Variants in DNAAF9 observed in about 807,000 individuals in gnomAD.
DNAAF9 encodes dynein axonemal assembly factor 9.
A neutral mutation model predicts 167.0 loss-of-function variants in DNAAF9; 90 were observed. The ratio of observed to expected loss-of-function variants is 0.54; its 90% confidence interval spans 0.45 to 0.64. DNAAF9 has a LOEUF of 0.64. Among genes scored for constraint, DNAAF9 ranks in the 30% least tolerant of loss-of-function variants. The pLI is 0.00. For synonymous variants in DNAAF9, 491 were observed against 508.8 expected (o/e 0.96, Z 0.47); for missense variants, 1,315 against 1,442.2 (o/e 0.91, Z 1.43).
intron 30 of DNAAF9, among the ~76,000 whole-genome samples, chr20:3,265,631 T>A (rs1237190852): frequency 6.6e-6 from 1 of 151,236 alleles, no homozygotes; most frequent in Non-Finnish European, 1.5e-5. Context: ...ATTAAATACT[T>A]TTTTTGGTGT....
At chr20:3,403,101 A>C (rs1383623293) in intron 1 of DNAAF9, among the ~76,000 whole-genome samples, 1 of 151,962 alleles carries the variant, frequency 6.6e-6, no homozygotes, top group Non-Finnish European at 1.5e-5. Context: ...TCTTCACCAC[A>C]ATCTTTACCT....
At chr20:3,269,141 T>TCA (rs1399796708) in intron 30 of DNAAF9, among the ~76,000 whole-genome samples, 1 of 151,840 alleles carries the variant, frequency 6.6e-6, no homozygotes. Context: ...TCTCCTGACC[T>TCA]TGTGATCCGC....
At chr20:3,403,844 G>A (rs1439354059) in intron 1 of DNAAF9, among the ~76,000 whole-genome samples, 1 of 151,832 alleles carries the variant, frequency 6.6e-6, no homozygotes, top group Non-Finnish European at 1.5e-5. Flanking sequence ...TTAGAGACAG[G>A]GGTCTTGCTA....
At chr20:3,255,326 C>G in intron 34 of DNAAF9, 42 bp from the exon 35 acceptor site, 4 of 1,255,156 alleles carry the variant, frequency 3.2e-6, no homozygotes, top group Non-Finnish European at 4.6e-6. Flanking sequence ...CAGCAGAACT[C>G]ATGGAGTGCA....
At chr20:3,322,924 A>C (rs1440950739) in intron 14 of DNAAF9, among the ~76,000 whole-genome samples, 2 of 151,928 alleles carry the variant, frequency 1.3e-5, no homozygotes, top group Non-Finnish European at 2.9e-5. Context: ...GCAAGTCCTA[A>C]GGACGGTCTT....
At chr20:3,304,319 G>A in intron 21 of DNAAF9, 121 bp downstream of exon 21, 1 of 689,496 alleles carries the variant, frequency 1.5e-6, no homozygotes, top group East Asian at 2.7e-5. Context: ...CTCAGTGGCT[G>A]TGCTGGTTCC....
At chr20:3,342,453 GCTTC>G (rs2070105544) in intron 9 of DNAAF9, among the ~76,000 whole-genome samples, 1 of 152,064 alleles carries the variant, frequency 6.6e-6, no homozygotes, top group African/African-American at 2.4e-5. Context: ...AATCATATTT[GCTTC>G]CTTTTTTTAA....
chr20:3,301,178 CTTT>C (rs11469332), intron 21 of DNAAF9, among the ~76,000 whole-genome samples: 23,053 of 125,248 alleles, frequency 0.18, 1,749 homozygotes, highest in Non-Finnish European at 0.2. Context: ...TCATGCTTGG[CTTT>C]TTTTTTTTTT....
In DNAAF9 at chr20:3,351,484, C is replaced by CA. The variant is rs201303556; in HGVS notation, c.691-2862dup. ...GGACAACAAGAGTGAGACTCCATCT[C>CA]AAAAAAAAAAAAAAATTTCAACTGA... is the stretch of plus-strand genomic sequence containing the variant. On this transcript the variant is annotated intron_variant, in intron 7 of 36. Coordinates refer to ENST00000252032, the MANE Select transcript of DNAAF9 (RefSeq NM_001009984.3). Among the ~76,000 whole-genome samples the CA allele has an allele frequency of 5.3e-3, 618 of 117,220 alleles. 1 individual carries two copies. The highest frequency in any genetic ancestry group is 8.8e-3 in the Middle Eastern group (2 of 228). 76.9% of individuals were successfully genotyped at this position (117,220 alleles called of 152,430 possible).
chr20:3,380,602 A>G (rs1302180374), intron 3 of DNAAF9, among the ~76,000 whole-genome samples: 1 of 152,214 alleles, frequency 6.6e-6, no homozygotes, highest in African/African-American at 2.4e-5. Context: ...CTGCAGGACA[A>G]AACTGCCCCC....
chr20:3,312,732 T>C (rs1206015652), intron 20 of DNAAF9, among the ~76,000 whole-genome samples: 1 of 152,154 alleles, frequency 6.6e-6, no homozygotes, highest in African/African-American at 2.4e-5. Context: ...AGTCCACAAA[T>C]GGTACAAACT....
chr20:3,397,721 G>T (rs904148425), intron 1 of DNAAF9, among the ~76,000 whole-genome samples: 26 of 27,100 alleles, frequency 9.6e-4, no homozygotes, highest in South Asian at 6.0e-3. Flanking sequence ...ATTTTTTTTG[G>T]GGGGGGGGAA....
rs1344099448 is a variant in DNAAF9 at position 3,249,312 on chromosome 20, A to G, written c.*3260T>C. On this transcript the variant is annotated 3_prime_UTR_variant, in exon 37 of 37. Transcript: ENST00000252032. ...CATCGTCTGGAGGCCTTGCTTGTTCAGTGATAGTTTATTGGTCCTTAGCAT... is the reference window on the plus strand; with the variant it reads ...CATCGTCTGGAGGCCTTGCTTGTTCGGTGATAGTTTATTGGTCCTTAGCAT... The G allele has an allele frequency of 3.3e-5, 5 of 152,244 alleles. No homozygotes were observed. The highest frequency in any genetic ancestry group is 4.8e-5 in the African/African-American group (2 of 41,470). 9.4% of individuals were successfully genotyped at this position (152,244 alleles called of 1,614,324 possible).
At chr20:3,301,936 TTA>T (rs200717334) in intron 21 of DNAAF9, among the ~76,000 whole-genome samples, 6 of 151,382 alleles carry the variant, frequency 4.0e-5, no homozygotes, top group African/African-American at 1.2e-4. Context: ...TTTTAAAAAA[TTA>T]TATATATATA....
At chr20:3,389,930 G>C (rs1179837660) in intron 1 of DNAAF9, among the ~76,000 whole-genome samples, 2 of 152,058 alleles carry the variant, frequency 1.3e-5, no homozygotes, top group Non-Finnish European at 2.9e-5. Context: ...CAGCTACCCA[G>C]GAGGGTGAGG....
At chr20:3,290,782 TAA>T (rs1427576172) in intron 25 of DNAAF9, among the ~76,000 whole-genome samples, 11 of 142,646 alleles carry the variant, frequency 7.7e-5, no homozygotes, top group African/African-American at 3.0e-4. Context: ...CGGTCAGGGC[TAA>T]GTCTTTTTTT....
intron 20 of DNAAF9, among the ~76,000 whole-genome samples, chr20:3,311,955 TC>T (rs2069420778): frequency 6.6e-6 from 1 of 151,760 alleles, no homozygotes; most frequent in East Asian, 1.9e-4. Flanking sequence ...GAAAAAAACT[TC>T]AAGGTAAAGG....
intron 28 of DNAAF9, 113 bp downstream of exon 28, chr20:3,281,528 G>T: frequency 1.0e-6 from 1 of 988,796 alleles, no homozygotes; most frequent in South Asian, 1.9e-5. Context: ...ACTAATAAAA[G>T]AACAGCATTT....
intron 29 of DNAAF9, among the ~76,000 whole-genome samples, chr20:3,272,403 T>G (rs1214074196): frequency 6.6e-6 from 1 of 151,888 alleles, no homozygotes; most frequent in African/African-American, 2.4e-5. Context: ...ATTTTTTTAT[T>G]TTTTTTAGAC....
Sources: allele counts gnomAD v4.1 joint callset (sites outside exome capture counted in the v4.1 genomes callset), GRCh38; gene constraint gnomAD v4.1.1; transcripts MANE v1.5; gene names NCBI Gene and HGNC (gene_info 2026-07-23, HGNC 2026-07-21).